Variants in FABP6 observed in about 807,000 individuals in gnomAD.
The protein encoded by FABP6 is fatty acid binding protein 6.
Under a neutral mutation model 14.9 loss-of-function variants are expected in FABP6, and 13 were observed. The observed-to-expected ratio is 0.87, with a 90% CI of 0.57 to 1.39. FABP6 has a LOEUF of 1.39. FABP6 is among the 40% of genes most tolerant of loss of function. The pLI is 0.00. For synonymous variants in FABP6, 75 were observed against 63.6 expected (o/e 1.18, Z -0.85); for missense variants, 161 against 167.2 (o/e 0.96, Z 0.20).
chr5:160,216,024 G>A (rs879692589), intron 3 of FABP6, among the ~76,000 whole-genome samples: 11 of 152,142 alleles, frequency 7.2e-5, no homozygotes, highest in South Asian at 2.1e-4. Flanking sequence ...CCAATGTGGC[G>A]GAAGGACATT....
upstream of FABP6, among the ~76,000 whole-genome samples, chr5:160,228,316 G>A (rs922935342): frequency 2.6e-5 from 4 of 151,536 alleles, no homozygotes; most frequent in African/African-American, 4.9e-5. Flanking sequence ...GCTTGAACCC[G>A]GGAGGCGGAG....
chr5:160,207,954 C>T (rs1187605836), intron 2 of FABP6, among the ~76,000 whole-genome samples: 11 of 152,094 alleles, frequency 7.2e-5, no homozygotes, highest in Non-Finnish European at 1.6e-4. Flanking sequence ...AAAATCCTGA[C>T]CTCAGGTGAT....
At chr5:160,199,263 T>A in intron 2 of FABP6, 2 of 1,141,646 alleles carry the variant, frequency 1.8e-6, no homozygotes, top group Non-Finnish European at 2.6e-6. Context: ...CCTTTCTCTG[T>A]GATGCTAATA....
At chr5:160,226,452 T>C (rs945279613), upstream of FABP6, among the ~76,000 whole-genome samples, 4 of 150,452 alleles carry the variant, frequency 2.7e-5, no homozygotes, top group Non-Finnish European at 4.4e-5. Flanking sequence ...TCCCAGCTAC[T>C]CAGGAGGCTG....
intron 2 of FABP6, among the ~76,000 whole-genome samples, chr5:160,201,427 G>T (rs571978560): frequency 1.4e-4 from 21 of 152,150 alleles, no homozygotes; most frequent in Non-Finnish European, 2.5e-4. Context: ...GGGTGGAAGG[G>T]GATGGGAGTG....
upstream of FABP6, among the ~76,000 whole-genome samples, chr5:160,227,458 G>A (rs749521739): frequency 2.0e-5 from 3 of 151,164 alleles, no homozygotes; most frequent in Admixed American, 6.6e-5. Context: ...ACCTGGGAGC[G>A]GAGGTTGCCG....
At chr5:160,212,760 T>C (rs1380587660) in intron 2 of FABP6, among the ~76,000 whole-genome samples, 3 of 152,170 alleles carry the variant, frequency 2.0e-5, no homozygotes, top group Non-Finnish European at 4.4e-5. Context: ...TGAGCCACCG[T>C]GCCCGGCCAC....
At chr5:160,197,002 A>T (rs749487547) in intron 1 of FABP6, 1 of 152,246 alleles carries the variant, frequency 6.6e-6, no homozygotes, top group Non-Finnish European at 1.5e-5. Flanking sequence ...GCTAAGCAAC[A>T]CATGTCTGCA....
chr5:160,195,086 AC>A (rs1159707054), intron 1 of FABP6, among the ~76,000 whole-genome samples: 2 of 152,014 alleles, frequency 1.3e-5, no homozygotes, highest in African/African-American at 4.8e-5. Context: ...AGAGTTTGAG[AC>A]CAGCCTGGCC....
At chr5:160,187,394 G>C (rs1759308801) in exon 1 of FABP6, 1 of 152,704 alleles carries the variant, frequency 6.5e-6, no homozygotes, top group South Asian at 2.1e-4. Context: ...TACTTTGAAG[G>C]GACTAGAAGG....
chr5:160,189,386 C>T (rs1399109047), intron 1 of FABP6, among the ~76,000 whole-genome samples: 1 of 152,004 alleles, frequency 6.6e-6, no homozygotes, highest in Non-Finnish European at 1.5e-5. Flanking sequence ...GGATTACAGG[C>T]GCCCACCACC....
chr5:160,226,139 C>G (rs1304419999), upstream of FABP6, among the ~76,000 whole-genome samples: 1 of 150,682 alleles, frequency 6.6e-6, no homozygotes, highest in African/African-American at 2.4e-5. Context: ...TGACACTGCA[C>G]TCCAGCCTGG....
At chr5:160,200,424 T>TTG (rs1238268146) in intron 2 of FABP6, among the ~76,000 whole-genome samples, 1 of 151,142 alleles carries the variant, frequency 6.6e-6, no homozygotes, top group Admixed American at 6.6e-5. Flanking sequence ...CTATTTTTTT[T>TTG]TTTTTGAGGC....
At position 160,234,823 on chromosome 5, in the gene FABP6, A is replaced by G; in HGVS notation, c.247A>G (p.Thr83Ala). ...QTMGGKTFKA[T>A]VQMEGGKLVV... ...TAATGTTGTGCTTCCATTCCAGGCC[A>G]CTGTGCAGATGGAGGGCGGGAAGCT... Residue 83 changes from threonine (T) to alanine (A), a missense_variant, in exon 3 of 4, where the codon ACT becomes GCT. Thr to Ala is a moderately conservative substitution (Grantham distance 58). Transcript: ENST00000402432. 1 of 1,608,170 alleles carries G rather than the reference A, an allele frequency of 6.2e-7. No individual in the cohort carries two copies. Among genetic ancestry groups the G allele is most frequent in the Non-Finnish European group, 8.5e-7 (1 of 1,176,864 alleles).
chr5:160,202,951 G>A (rs1759676308), intron 2 of FABP6, among the ~76,000 whole-genome samples: 3 of 151,038 alleles, frequency 2.0e-5, no homozygotes, highest in South Asian at 4.2e-4. Context: ...GCCCAGACTA[G>A]AGTGCAATGG....
At chr5:160,192,953 A>C (rs1759427513) in intron 1 of FABP6, among the ~76,000 whole-genome samples, 2 of 152,224 alleles carry the variant, frequency 1.3e-5, no homozygotes, top group Admixed American at 1.3e-4. Flanking sequence ...CTCTACAAAA[A>C]ATAAAAAATA....
chr5:160,205,283 A>C (rs958708196), intron 2 of FABP6, among the ~76,000 whole-genome samples: 2 of 135,104 alleles, frequency 1.5e-5, no homozygotes, highest in African/African-American at 2.8e-5. Context: ...GCACCACTGC[A>C]CTTTAGCCTG....
In FABP6 at chr5:160,220,449, A is replaced by C. The variant is rs76472999; in HGVS notation, c.135+6630A>C. Among the ~76,000 whole-genome samples, 700 of 152,122 alleles carry C rather than the reference A, an allele frequency of 4.6e-3. 6 individuals are homozygous for C. The highest frequency in any genetic ancestry group is 0.016 in the African/African-American group (667 of 41,472). ...ACAAGTGAGGCCTCGTCTCTACTAAAAGTTAAAAAATTAGCCGTGCGTGGT... is the reference window on the plus strand; with the variant it reads ...ACAAGTGAGGCCTCGTCTCTACTAACAGTTAAAAAATTAGCCGTGCGTGGT... On this transcript the variant is annotated intron_variant, in intron 3 of 6. Transcript: ENST00000393980.
At chr5:160,199,118 G>C in exon 2 of FABP6, 4 of 1,614,176 alleles carry the variant, frequency 2.5e-6, no homozygotes, top group Non-Finnish European at 3.4e-6. Flanking sequence ...TGAAGACAGT[G>C]ACGATGATGA....
Sources: gnomAD v4.1 joint callset for allele counts (sites outside exome capture counted in the v4.1 genomes callset) on GRCh38, gnomAD v4.1.1 for gene constraint, MANE v1.5 for transcripts, NCBI Gene and HGNC (gene_info 2026-07-23, HGNC 2026-07-21) for gene names.